Variants in ROS1 observed in about 807,000 individuals in gnomAD.
ROS1 encodes the protein ROS proto-oncogene 1, receptor tyrosine kinase, also known as proto-oncogene tyrosine-protein kinase ROS.
A neutral mutation model predicts 273.5 loss-of-function variants in ROS1; 263 were observed. That is an observed-to-expected ratio of 0.96 (90% CI 0.87 to 1.06). The LOEUF is 1.06. Among genes scored for constraint, ROS1 ranks in the 50% least tolerant of loss-of-function variants. The probability of loss-of-function intolerance (pLI) is 0.00; values close to 1 mark genes in which losing one functional copy is unlikely to be tolerated. For synonymous variants in ROS1, 1,008 were observed against 954.1 expected, an observed-to-expected ratio of 1.06 and a Z score of -1.04; for missense variants, 2,833 against 2,751.1, an observed-to-expected ratio of 1.03 and a Z score of -0.67.
chr6:117,292,445 A>G (rs988340844), intron 43 of ROS1, among the ~76,000 whole-genome samples: 8 of 152,132 alleles, frequency 5.3e-5, no homozygotes, highest in African/African-American at 1.9e-4. Context: ...CTGGATTTCC[A>G]TAACAACACT....
At chr6:117,388,017 C>T (rs1330973277) in intron 13 of ROS1, 25 bp from the exon 14 acceptor site, 1 of 1,613,956 alleles carries the variant, frequency 6.2e-7, no homozygotes, top group South Asian at 1.1e-5. Flanking sequence ...TCAATAATAT[C>T]ACTGATCAGG....
intron 5 of ROS1, among the ~76,000 whole-genome samples, chr6:117,405,051 T>C (rs1409216277): frequency 2.0e-5 from 3 of 152,228 alleles, no homozygotes; most frequent in Non-Finnish European, 2.9e-5. Flanking sequence ...CTGAATGGTA[T>C]GTCACTGGGA....
chr6:117,295,665 A>G (rs576447982), intron 43 of ROS1, among the ~76,000 whole-genome samples: 2 of 152,222 alleles, frequency 1.3e-5, no homozygotes, highest in South Asian at 4.1e-4. Context: ...TAGTCTGATC[A>G]AAAAATGGGC....
At chr6:117,424,025 G>A (rs918173907) in intron 1 of ROS1, among the ~76,000 whole-genome samples, 5 of 151,542 alleles carry the variant, frequency 3.3e-5, no homozygotes, top group African/African-American at 1.2e-4. Context: ...GGAACAAACT[G>A]TCTATTCCTA....
rs116295868 is a variant in ROS1 at position 117,381,886 on chromosome 6, G to T, written c.2481+1431C>A. Among the ~76,000 whole-genome samples the T allele has an allele frequency of 3.2e-3, 482 of 152,142 alleles. 2 individuals carry two copies. The highest frequency in any genetic ancestry group is 0.011 in the African/African-American group (467 of 41,524). ...CTGCAGTGTATAAGCGTTTGGAGGG[G>T]GGATTTAAAGAGGGGTAAGAAGGAT... On this transcript the variant is annotated intron_variant, in intron 17 of 43. Transcript: ENST00000368507.
At position 117,385,735 on chromosome 6, in the gene ROS1, A is replaced by G. The variant is rs1772518339; in HGVS notation, c.2237T>C (p.Leu746Ser). Residue 746 changes from leucine (L) to serine (S), a missense_variant, in exon 16 of 44, where the codon TTA becomes TCA. Coordinates refer to ENST00000368507, the MANE Select transcript of ROS1 (RefSeq NM_001378902.1). ...HLPSIAGAGA[L>S]AFEWLGHFLY... ...AAAGTGACCCAGCCACTCAAAAGCT[A>G]AAGCCCCTGCTCCTGCAATGCTGGG... 1.9e-6 allele frequency: 3 copies of G among 1,614,106 alleles called. No individual in the cohort carries two copies. The highest frequency in any genetic ancestry group is 2.5e-6 in the Non-Finnish European group (3 of 1,180,044).
chr6:117,370,009 A>T (rs995331590), intron 18 of ROS1, among the ~76,000 whole-genome samples: 1 of 152,184 alleles, frequency 6.6e-6, no homozygotes, highest in Non-Finnish European at 1.5e-5. Context: ...ATGGATATGA[A>T]TGTATGTGGA....
intron 33 of ROS1, 36 bp from the exon 34 acceptor site, chr6:117,326,450 C>A (rs2128582496): frequency 8.1e-7 from 1 of 1,231,722 alleles, no homozygotes; most frequent in African/African-American, 1.6e-5. Context: ...ATATACATGA[C>A]AATATACCTG....
At chr6:117,381,781 C>T (rs1425341053) in intron 17 of ROS1, among the ~76,000 whole-genome samples, 3 of 152,072 alleles carry the variant, frequency 2.0e-5, no homozygotes, top group Non-Finnish European at 2.9e-5. Context: ...ATTGCTGGAT[C>T]GAATGATAGA....
intron 23 of ROS1, 23 bp from the exon 24 acceptor site, chr6:117,360,034 A>G (rs538798104): frequency 6.9e-6 from 11 of 1,584,970 alleles, no homozygotes; most frequent in Non-Finnish European, 9.5e-6. Flanking sequence ...AAACATGTAG[A>G]TAATATGCAT....
intron 33 of ROS1, among the ~76,000 whole-genome samples, chr6:117,327,662 T>C (rs1193713954): frequency 6.6e-6 from 1 of 152,212 alleles, no homozygotes; most frequent in Non-Finnish European, 1.5e-5. Context: ...GAACAAGCAT[T>C]TAAACATGGT....
chr6:117,416,752 T>C (rs1454020998), intron 2 of ROS1, among the ~76,000 whole-genome samples: 1 of 152,136 alleles, frequency 6.6e-6, no homozygotes, highest in Non-Finnish European at 1.5e-5. Flanking sequence ...CAAACCTAAA[T>C]AGGTAGACAG....
chr6:117,401,517 G>A (rs190853955), intron 7 of ROS1, among the ~76,000 whole-genome samples: 21 of 152,274 alleles, frequency 1.4e-4, no homozygotes, highest in African/African-American at 3.1e-4. Flanking sequence ...TCTTCTGGCC[G>A]TTTTTGTTTT....
chr6:117,396,205 G>T lies in ROS1; in HGVS notation c.866C>A (p.Thr289Asn). ...GEGPEAESSI[T>N]TSSSAVQQEE... Reference sequence around the variant, plus strand: ...ACCCATACCTGCTGAAGATGAAGTGGTAATACTAGATTCTGCTTCTGGACC... The same window carrying T: ...ACCCATACCTGCTGAAGATGAAGTGTTAATACTAGATTCTGCTTCTGGACC... The change falls in exon 9 of 44, where the codon ACC becomes AAC. Residue 289 changes from threonine to asparagine, a missense_variant. By Grantham distance (65) the Thr-to-Asn change is moderately conservative. Coordinates refer to ENST00000368507, the MANE Select transcript of ROS1 (RefSeq NM_001378902.1). 6.2e-7 allele frequency: 1 copy of T among 1,613,302 alleles called. No individual in the cohort carries two copies. Among genetic ancestry groups the T allele is most frequent in the Non-Finnish European group, 8.5e-7 (1 of 1,179,362 alleles).
At chr6:117,374,939 C>A (rs1781186729) in intron 18 of ROS1, among the ~76,000 whole-genome samples, 1 of 152,174 alleles carries the variant, frequency 6.6e-6, no homozygotes, top group Non-Finnish European at 1.5e-5. Flanking sequence ...ATCCAGCAGT[C>A]CCACTATTGG....
Position 117,357,991 on chromosome 6 carries a change from C to T in ROS1, c.3652G>A (p.Val1218Ile). The T allele has an allele frequency of 6.2e-7, 1 of 1,612,774 alleles. No individual in the cohort carries two copies. The highest frequency in any genetic ancestry group is 8.5e-7 in the Non-Finnish European group (1 of 1,179,178). ...SSSELFQDSL[V>I]FDITVITIDW... ...ATTGTAATAACTGTGATATCAAAAACCAGTGAATCTTGGAAAAGCTTAACA... is the reference window on the plus strand; with the variant it reads ...ATTGTAATAACTGTGATATCAAAAATCAGTGAATCTTGGAAAAGCTTAACA... The change falls in exon 25 of 44, where the codon GTT becomes ATT. Residue 1218 changes from valine to isoleucine, a missense_variant. Val to Ile is a conservative substitution (Grantham distance 29). Transcript: ENST00000368507.
rs1772853035 is a variant in ROS1, at chr6:117,389,340, G to C, written c.1786+10C>G. 1 of 1,607,502 alleles carries C rather than the reference G, an allele frequency of 6.2e-7. No homozygotes were observed. The highest frequency in any genetic ancestry group is 1.3e-5 in the African/African-American group (1 of 74,784). On this transcript the variant is annotated intron_variant, in intron 13 of 43. Transcript: ENST00000368507. ...AAGGCCAGTAACCACACTGGGGACAGAGCACTCACTGGCTCCTATGGCAAG... is the reference window on the plus strand; with the variant it reads ...AAGGCCAGTAACCACACTGGGGACACAGCACTCACTGGCTCCTATGGCAAG...
In ROS1 at chr6:117,288,103, T is replaced by G. The variant is rs1379575328; in HGVS notation, c.*389A>C. On this transcript the variant is annotated 3_prime_UTR_variant, in exon 44 of 44. Coordinates refer to ENST00000368507, the MANE Select transcript of ROS1 (RefSeq NM_001378902.1). ...CCCCCTGAGCCTACTCCTTAGCCTC[T>G]TCTTTATATCGCTGAACACACCTAT... is the stretch of plus-strand genomic sequence containing the variant. 6.6e-6 allele frequency among the ~76,000 whole-genome samples: 1 copy of G among 152,196 alleles called. No homozygotes were observed. Among genetic ancestry groups the G allele is most frequent in the Non-Finnish European group, 1.5e-5 (1 of 68,024 alleles).
intron 13 of ROS1, among the ~76,000 whole-genome samples, chr6:117,388,758 G>A (rs1772804629): frequency 6.6e-6 from 1 of 152,158 alleles, no homozygotes. Flanking sequence ...TGTTCTAAGT[G>A]CTCTACTAAT....
Sources: allele counts gnomAD v4.1 joint callset (sites outside exome capture counted in the v4.1 genomes callset), GRCh38; gene constraint gnomAD v4.1.1; transcripts MANE v1.5; gene names NCBI Gene and HGNC (gene_info 2026-07-23, HGNC 2026-07-21).